PLXNA4: variants seen among roughly 807,000 people sequenced by gnomAD.
PLXNA4 encodes the protein plexin A4, also known as plexin-A4.
In PLXNA4, 44 loss-of-function variants were observed where a neutral mutation model predicts 191.8. The observed-to-expected ratio is 0.23, with a 90% CI of 0.18 to 0.29. The LOEUF is 0.29. PLXNA4 is among the 10% of genes least tolerant of loss of function. The pLI is 1.00. For synonymous variants in PLXNA4, 1,082 were observed against 1,009.5 expected (o/e 1.07, Z -1.36); for missense variants, 1,800 against 2,488.8 (o/e 0.72, Z 5.89).
intron 2 of PLXNA4, 69 bp from the exon 3 acceptor site, chr7:132,489,543 A>T (rs759211075): frequency 3.7e-5 from 49 of 1,316,412 alleles, no homozygotes; most frequent in Non-Finnish European, 4.5e-5. Context: ...TTAAGTCAGG[A>T]AACTATGGAG....
chr7:132,370,707 G>A (rs572286803), intron 3 of PLXNA4, among the ~76,000 whole-genome samples: 1 of 152,214 alleles, frequency 6.6e-6, no homozygotes, highest in East Asian at 1.9e-4. Context: ...TCATGCAGAG[G>A]AGCAGTGAGC....
rs374108684 is a variant in PLXNA4, at chr7:132,301,335, C to T, written c.1372-3113G>A. On this transcript the variant is annotated intron_variant, in intron 3 of 31. Coordinates refer to ENST00000321063, the MANE Select transcript of PLXNA4 (RefSeq NM_020911.2). ...CAGCTGCCGGCTCTTGGACCCTTAA[C>T]ATAGACAAATAGAACAAGAGCTGTT... 1.8e-4 allele frequency among the ~76,000 whole-genome samples: 28 copies of T among 152,326 alleles called. No homozygotes were observed. The East Asian group carries it at 5.0e-3, about 27-fold the overall frequency.
rs535657174 is a variant in PLXNA4, at chr7:132,392,909, G to A, written c.1372-94687C>T. 6.9e-4 allele frequency among the ~76,000 whole-genome samples: 105 copies of A among 152,158 alleles called. 2 individuals carry two copies. Among genetic ancestry groups the A allele is most frequent in the African/African-American group, 2.4e-3 (99 of 41,520 alleles). ...AAACCCAGGAGCCCTAGGAGATGCCGCCTCCCTGTGTCCATCTGAGCACCC... is the reference window on the plus strand; with the variant it reads ...AAACCCAGGAGCCCTAGGAGATGCCACCTCCCTGTGTCCATCTGAGCACCC... On this transcript the variant is annotated intron_variant, in intron 3 of 31. Transcript: ENST00000321063.
chr7:132,441,599 G>A (rs987484000), intron 3 of PLXNA4, among the ~76,000 whole-genome samples: 1 of 152,188 alleles, frequency 6.6e-6, no homozygotes, highest in African/African-American at 2.4e-5. Context: ...ATTGCACTAA[G>A]CTCAGTGTTT....
chr7:132,506,007 T>G (rs1459014858), intron 2 of PLXNA4, among the ~76,000 whole-genome samples: 1 of 152,100 alleles, frequency 6.6e-6, no homozygotes, highest in African/African-American at 2.4e-5. Flanking sequence ...ATTTGTCAAC[T>G]TTTTGCTGCC....
chr7:132,177,133 A>T (rs995014265), intron 20 of PLXNA4, among the ~76,000 whole-genome samples: 41 of 151,310 alleles, frequency 2.7e-4, no homozygotes, highest in Non-Finnish European at 4.7e-4. Flanking sequence ...GTGTGTGAGC[A>T]TGTCACTATG....
At chr7:132,157,206 C>A (rs1048279352) in intron 25 of PLXNA4, among the ~76,000 whole-genome samples, 12 of 152,194 alleles carry the variant, frequency 7.9e-5, no homozygotes, top group African/African-American at 2.9e-4. Flanking sequence ...CTCTGGGAAG[C>A]GGGTAGCCTT....
At chr7:132,538,668 T>C (rs752502405) in intron 1 of PLXNA4, among the ~76,000 whole-genome samples, 1 of 152,220 alleles carries the variant, frequency 6.6e-6, no homozygotes, top group Non-Finnish European at 1.5e-5. Context: ...CTGCACATGA[T>C]AAGCAGTGGG....
chr7:132,413,738 G>T (rs753117433), intron 3 of PLXNA4, among the ~76,000 whole-genome samples: 1 of 152,106 alleles, frequency 6.6e-6, no homozygotes, highest in Non-Finnish European at 1.5e-5. Flanking sequence ...AAATTCCAGG[G>T]TCTTCCTACT....
At chr7:132,417,110 T>C (rs546774741) in intron 3 of PLXNA4, among the ~76,000 whole-genome samples, 1 of 152,302 alleles carries the variant, frequency 6.6e-6, no homozygotes, top group East Asian at 1.9e-4. Flanking sequence ...ATGCCCACTC[T>C]ACAGGGACTC....
chr7:132,554,901 GC>G (rs1334793957), intron 1 of PLXNA4, among the ~76,000 whole-genome samples: 1 of 152,232 alleles, frequency 6.6e-6, no homozygotes, highest in East Asian at 1.9e-4. Flanking sequence ...ATTAGCAGAT[GC>G]CCCATCCTGC....
At chr7:132,626,688 C>T (rs1386699873) in intron 2 of PLXNA4, among the ~76,000 whole-genome samples, 2 of 152,166 alleles carry the variant, frequency 1.3e-5, no homozygotes, top group Admixed American at 6.5e-5. Flanking sequence ...GCCAATTAAA[C>T]CTCTTTTTTT....
chr7:132,168,449 G>T lies in PLXNA4; in HGVS notation c.4141C>A (p.Arg1381Ser). 6.2e-7 allele frequency: 1 copy of T among 1,614,040 alleles called. No homozygotes were observed. Among genetic ancestry groups the T allele is most frequent in the South Asian group, 1.1e-5 (1 of 91,070 alleles). Reference sequence around the variant, plus strand: ...AGTGAGGCCACGTTGCCACGGTCGCGCATGGAGAAGCTACGCTGGGACTCA... The same window carrying T: ...AGTGAGGCCACGTTGCCACGGTCGCTCATGGAGAAGCTACGCTGGGACTCA... ...TLESQRSFSMRDRGNVASLIM... is the reference protein window; with the variant it reads ...TLESQRSFSMSDRGNVASLIM... The change falls in exon 22 of 32, where the codon CGC becomes AGC. Residue 1381 changes from arginine (R) to serine (S), a missense_variant. This residue lies in a region of PLXNA4 where 1,397 missense variants were observed against 1,880.4 expected (regional missense o/e 0.74). Coordinates refer to ENST00000321063, the MANE Select transcript of PLXNA4 (RefSeq NM_020911.2).
At chr7:132,233,050 T>C (rs1798577149) in intron 5 of PLXNA4, among the ~76,000 whole-genome samples, 1 of 152,154 alleles carries the variant, frequency 6.6e-6, no homozygotes, top group African/African-American at 2.4e-5. Context: ...TGCCATGACC[T>C]ATGCTTAAGG....
chr7:132,506,606 A>G (rs1016340780), intron 2 of PLXNA4, among the ~76,000 whole-genome samples: 12 of 152,226 alleles, frequency 7.9e-5, no homozygotes, highest in Non-Finnish European at 1.6e-4. Flanking sequence ...GTGAAGAGGA[A>G]CAGAGTCAAG....
chr7:132,637,233 T>TC (rs1170444247), intron 2 of PLXNA4, among the ~76,000 whole-genome samples: 5 of 152,202 alleles, frequency 3.3e-5, no homozygotes, highest in Admixed American at 2.6e-4. Context: ...GCACAATCCT[T>TC]CCCCCTTTCC....
At chr7:132,146,224 A>G (rs1795429409) in intron 28 of PLXNA4, among the ~76,000 whole-genome samples, 1 of 152,024 alleles carries the variant, frequency 6.6e-6, no homozygotes, top group Admixed American at 6.6e-5. Flanking sequence ...ATGTGAAAAG[A>G]GGCAGTTAGA....
intron 3 of PLXNA4, among the ~76,000 whole-genome samples, chr7:132,307,087 G>A (rs890968029): frequency 2.0e-5 from 3 of 152,156 alleles, no homozygotes; most frequent in Admixed American, 2.0e-4. Flanking sequence ...ACTCTGATGG[G>A]CTGCAAGTCC....
intron 1 of PLXNA4, among the ~76,000 whole-genome samples, chr7:132,537,426 G>C (rs1799891837): frequency 6.6e-6 from 1 of 152,230 alleles, no homozygotes; most frequent in Admixed American, 6.5e-5. Flanking sequence ...AATGAAAGTA[G>C]CCTCTTAGGA....
Sources: gnomAD v4.1 joint callset for allele counts (sites outside exome capture counted in the v4.1 genomes callset) on GRCh38, gnomAD v4.1.1 for gene constraint, gnomAD v4.1.1 regional missense constraint, MANE v1.5 for transcripts, NCBI Gene and HGNC (gene_info 2026-07-23, HGNC 2026-07-21) for gene names.